Variants in ZNF280C observed in about 807,000 individuals in gnomAD.
The protein encoded by ZNF280C is zinc finger protein 280C.
ZNF280C carries 14 observed loss-of-function variants against 53.6 expected under a neutral mutation model. That is an observed-to-expected ratio of 0.26 (90% CI 0.17 to 0.41). ZNF280C has a LOEUF of 0.41. ZNF280C is among the 10% of genes least tolerant of loss of function. ZNF280C has a pLI of 1.00. For synonymous variants in ZNF280C, 203 were observed against 181.1 expected, an observed-to-expected ratio of 1.12 and a Z score of -0.97; for missense variants, 416 against 547.1, an observed-to-expected ratio of 0.76 and a Z score of 2.39.
At chrX:130,267,832 T>C (rs776648713) in intron 1 of ZNF280C, among the ~76,000 whole-genome samples, 2 of 111,718 alleles carry the variant, frequency 1.8e-5, no homozygotes, top group Non-Finnish European at 3.8e-5. Flanking sequence ...ACATTACAAC[T>C]CATAGTCCAA....
chrX:130,225,112 T>C (rs1318487340), intron 12 of ZNF280C, among the ~76,000 whole-genome samples: 3 of 111,507 alleles, frequency 2.7e-5, no homozygotes, highest in Non-Finnish European at 3.8e-5. Flanking sequence ...AAACCACTTA[T>C]AAGACACAGC....
intron 2 of ZNF280C, 134 bp from the exon 3 acceptor site, chrX:130,247,139 T>C (rs896130870): frequency 2.8e-6 from 2 of 707,042 alleles, no homozygotes; most frequent in Non-Finnish European, 4.0e-6. Context: ...TGTTTGTTTT[T>C]GTGACAGAGT....
At chrX:130,268,531 G>C (rs1181422356) in intron 1 of ZNF280C, among the ~76,000 whole-genome samples, 1 of 111,888 alleles carries the variant, frequency 8.9e-6, no homozygotes, top group African/African-American at 3.2e-5. Flanking sequence ...CGGGCCGCCA[G>C]GCTCTACCTC....
intron 16 of ZNF280C, among the ~76,000 whole-genome samples, chrX:130,206,361 GTTTTTTTTTTTT>G (rs1048503644): frequency 2.7e-5 from 2 of 73,482 alleles, no homozygotes; most frequent in Non-Finnish European, 5.0e-5. Context: ...GACTTCTTTA[GTTTTTTTTTTTT>G]TTTTTTTTTT....
intron 8 of ZNF280C, among the ~76,000 whole-genome samples, chrX:130,235,029 CA>C (rs966475120): frequency 2.7e-5 from 3 of 110,590 alleles, no homozygotes; most frequent in African/African-American, 9.9e-5. Context: ...TCACCACGGG[CA>C]AAAATAAGGT....
chrX:130,251,306 A>AAAAAAAAAAAAAAAAC (rs1569439584), intron 2 of ZNF280C, among the ~76,000 whole-genome samples: 3 of 103,609 alleles, frequency 2.9e-5, no homozygotes, highest in Non-Finnish European at 3.9e-5. Context: ...AAAAAAAAAA[A>AAAAAAAAAAAAAAAAC]AGACCAGCAA....
intron 12 of ZNF280C, among the ~76,000 whole-genome samples, chrX:130,225,828 T>C (rs1603241512): frequency 8.9e-6 from 1 of 112,321 alleles, no homozygotes; most frequent in South Asian, 3.7e-4. Flanking sequence ...GTGCCAGTAC[T>C]GAATCAACTT....
chrX:130,222,241 C>T (rs182006409), intron 12 of ZNF280C, among the ~76,000 whole-genome samples: 125 of 103,607 alleles, frequency 1.2e-3, no homozygotes, highest in Middle Eastern at 4.9e-3. Flanking sequence ...TCCCATGGTA[C>T]TTACCATCAG....
At chrX:130,213,505 A>G (rs1003289511) in intron 15 of ZNF280C, among the ~76,000 whole-genome samples, 2 of 112,605 alleles carry the variant, frequency 1.8e-5, no homozygotes, top group Non-Finnish European at 3.7e-5. Flanking sequence ...GGATACATCA[A>G]AAAGGATAAA....
At chrX:130,246,294 T>C (rs2032449762) in intron 3 of ZNF280C, among the ~76,000 whole-genome samples, 1 of 111,833 alleles carries the variant, frequency 8.9e-6, no homozygotes, top group Non-Finnish European at 1.9e-5. Context: ...TTGCGGAAGA[T>C]GGGTGTAGCC....
chrX:130,250,711 G>A (rs1372127262), intron 2 of ZNF280C, among the ~76,000 whole-genome samples: 1 of 112,225 alleles, frequency 8.9e-6, no homozygotes, highest in African/African-American at 3.2e-5. Flanking sequence ...ACAAAGAAGA[G>A]CTGGTACTAT....
intron 1 of ZNF280C, among the ~76,000 whole-genome samples, chrX:130,263,072 G>A (rs770831689): frequency 2.7e-5 from 3 of 112,459 alleles, no homozygotes; most frequent in South Asian, 3.7e-4. Context: ...ACAAGTGTTG[G>A]CAAGGATGTA....
intron 5 of ZNF280C, among the ~76,000 whole-genome samples, chrX:130,241,737 G>A (rs1348712611): frequency 2.7e-5 from 3 of 111,925 alleles, no homozygotes; most frequent in African/African-American, 6.5e-5. Context: ...ACATTCCAGA[G>A]TGGGTGACAG....
chrX:130,214,179 T>C (rs2032074621), intron 15 of ZNF280C, among the ~76,000 whole-genome samples: 1 of 110,858 alleles, frequency 9.0e-6, no homozygotes, highest in South Asian at 3.8e-4. Context: ...AACTTTTTGG[T>C]TATTTAAAAT....
At position 130,243,675 on chromosome X, in the gene ZNF280C, G is replaced by A. The variant is rs769323789; in HGVS notation, c.269C>T (p.Ala90Val). Residue 90 changes from alanine to valine, a missense_variant, in exon 5 of 19, where the codon GCA (alanine) becomes GTA (valine). Ala to Val is a moderately conservative substitution (Grantham distance 64). This residue lies in a region of ZNF280C where 193 missense variants were observed against 201.4 expected (regional missense o/e 0.96). Transcript: ENST00000370978. ...SPGIPEIFRT[A>V]SQRCRDPPSN... ...TGGTGGGTCTCTGCAGCGTTGACTT[G>A]CAGTCCTGAATATTTCAGGAATACC... 1.7e-6 allele frequency: 2 copies of A among 1,209,344 alleles called. No individual in the cohort carries two copies. Among genetic ancestry groups the A allele is most frequent in the South Asian group, 3.5e-5 (2 of 56,463 alleles).
chrX:130,247,423 C>T (rs1438451117), intron 2 of ZNF280C, among the ~76,000 whole-genome samples: 9 of 111,963 alleles, frequency 8.0e-5, no homozygotes, highest in African/African-American at 2.6e-4. Context: ...ACTTGATTCT[C>T]GTGCCTCAGC....
intron 1 of ZNF280C, among the ~76,000 whole-genome samples, chrX:130,266,646 G>GA (rs1254264906): frequency 0.015 from 1,525 of 103,504 alleles, 16 homozygotes; most frequent in African/African-American, 0.033. Context: ...ACAAAAAAAT[G>GA]AAAAAAAAAA....
At chrX:130,237,176 C>T (rs1028064464) in intron 6 of ZNF280C, among the ~76,000 whole-genome samples, 1 of 111,074 alleles carries the variant, frequency 9.0e-6, no homozygotes, top group Non-Finnish European at 1.9e-5. Context: ...CTTTTTCCAC[C>T]GAACAAACTA....
At chrX:130,246,094 A>T (rs602079) in intron 3 of ZNF280C, among the ~76,000 whole-genome samples, 54,130 of 110,729 alleles carry the variant, frequency 0.49, 10,037 homozygotes, top group African/African-American at 0.67. Context: ...AATAAACATC[A>T]CCAGTATCTT....
Sources: gnomAD v4.1 joint callset for allele counts (sites outside exome capture counted in the v4.1 genomes callset) on GRCh38, gnomAD v4.1.1 for gene constraint, gnomAD v4.1.1 regional missense constraint, MANE v1.5 for transcripts, NCBI Gene and HGNC (gene_info 2026-07-23, HGNC 2026-07-21) for gene names.